The following TRMT1L variants were observed in gnomAD, a reference collection of about 807,000 sequenced individuals.
TRMT1L encodes tRNA (guanine(27)-N(2))-dimethyltransferase.
A neutral mutation model predicts 81.6 loss-of-function variants in TRMT1L; 28 were observed. The observed-to-expected ratio is 0.34, with a 90% CI of 0.25 to 0.47. The LOEUF is 0.47. Among genes scored for constraint, TRMT1L ranks in the 20% least tolerant of loss-of-function variants. TRMT1L has a pLI of 1.00. For synonymous variants in TRMT1L, 301 were observed against 303.2 expected, an observed-to-expected ratio of 0.99 and a Z score of 0.07; for missense variants, 739 against 877.1, an observed-to-expected ratio of 0.84 and a Z score of 1.99.
At chr1:185,136,185 A>C (rs962789447) in intron 10 of TRMT1L, among the ~76,000 whole-genome samples, 5 of 152,152 alleles carry the variant, frequency 3.3e-5, no homozygotes, top group Non-Finnish European at 2.9e-5. Flanking sequence ...TGCGGCGGGC[A>C]GATTACTACA....
Position 185,156,480 on chromosome 1 carries a change from C to G in TRMT1L, c.233G>C (p.Ser78Thr), listed in dbSNP as rs752960639. The G allele has an allele frequency of 1.3e-5, 21 of 1,613,832 alleles. No homozygotes were observed. Among genetic ancestry groups the G allele is most frequent in the Non-Finnish European group, 1.6e-5 (19 of 1,179,902 alleles). The change falls in exon 1 of 15, where the codon AGC becomes ACC. Residue 78 changes from serine to threonine, a missense_variant and splice_region_variant. Physicochemically the swap from Ser to Thr is moderately conservative, Grantham distance 58. Around this residue, in one of 4 missense-constraint regions of TRMT1L, gnomAD observed 209 missense variants for 165.4 expected, o/e 1.26. Coordinates refer to ENST00000367506, the MANE Select transcript of TRMT1L (RefSeq NM_030934.5). ...AGATCTGGGCCTTCTGCACTTACTGCTTTTAGCCTCCTCAGGGGCAGAGGC... is the reference window on the plus strand; with the variant it reads ...AGATCTGGGCCTTCTGCACTTACTGGTTTTAGCCTCCTCAGGGGCAGAGGC... Reference protein sequence around the residue: ...SLASAPEEAKSKRHISIQRQL... With the variant: ...SLASAPEEAKTKRHISIQRQL...
At chr1:185,148,863 A>G (rs1653256822) in intron 3 of TRMT1L, among the ~76,000 whole-genome samples, 1 of 152,208 alleles carries the variant, frequency 6.6e-6, no homozygotes, top group Non-Finnish European at 1.5e-5. Flanking sequence ...TAGTACTACT[A>G]AGAAAATAGT....
rs535331389 is a variant in TRMT1L, at chr1:185,151,452, C to T, written c.346+373G>A. Among the ~76,000 whole-genome samples, 18 of 152,238 alleles carry T rather than the reference C, an allele frequency of 1.2e-4. No homozygotes were observed. In the South Asian group the frequency reaches 3.3e-3, roughly 28 times the overall value. On this transcript the variant is annotated intron_variant, in intron 2 of 14. Transcript: ENST00000367506. ...AGAGAGCAGTGTGGGGCACTGATAA[C>T]GTGGAACTCTCATACCAGCCCTAAA...
At chr1:185,133,921 A>C (rs994664926) in intron 10 of TRMT1L, among the ~76,000 whole-genome samples, 5 of 152,208 alleles carry the variant, frequency 3.3e-5, no homozygotes, top group Non-Finnish European at 7.3e-5. Context: ...AAAATTTGCG[A>C]ACAATATTTA....
intron 11 of TRMT1L, among the ~76,000 whole-genome samples, chr1:185,126,457 G>A (rs534609829): frequency 9.9e-5 from 15 of 152,126 alleles, no homozygotes; most frequent in African/African-American, 3.6e-4. Context: ...ACCACGCCTG[G>A]CCAAAAATAA....
intron 11 of TRMT1L, among the ~76,000 whole-genome samples, chr1:185,126,287 T>C (rs1280648048): frequency 6.6e-6 from 1 of 152,076 alleles, no homozygotes; most frequent in Non-Finnish European, 1.5e-5. Context: ...CATCATGAAA[T>C]GTAAAATAAA....
chr1:185,149,240 TAAGTA>T (rs746281102), intron 3 of TRMT1L, among the ~76,000 whole-genome samples: 8 of 152,098 alleles, frequency 5.3e-5, no homozygotes, highest in Non-Finnish European at 8.8e-5. Context: ...TTTTTGTTAC[TAAGTA>T]AATATTGCAA....
At chr1:185,128,540 G>T in intron 11 of TRMT1L, 129 bp downstream of exon 11, 1 of 819,266 alleles carries the variant, frequency 1.2e-6, no homozygotes, top group South Asian at 1.5e-5. Flanking sequence ...GAGGAGAAGA[G>T]TCATAATTAT....
At position 185,150,501 on chromosome 1, in the gene TRMT1L, G is replaced by C. The variant is rs1365670677; in HGVS notation, c.347-9C>G. On this transcript the variant is annotated splice_polypyrimidine_tract_variant and intron_variant, in intron 2 of 14. Transcript: ENST00000367506. ...ACAAGCCTGTCTGTTGCCTTAAAAA[G>C]AAAAAAGAATCAATAAACAACAGAA... is the stretch of plus-strand genomic sequence containing the variant. 1 of 1,585,868 alleles carries C rather than the reference G, an allele frequency of 6.3e-7. No individual in the cohort carries two copies. Among genetic ancestry groups the C allele is most frequent in the Non-Finnish European group, 8.6e-7 (1 of 1,156,882 alleles).
intron 3 of TRMT1L, among the ~76,000 whole-genome samples, chr1:185,149,860 T>C (rs1480365635): frequency 6.6e-6 from 1 of 151,026 alleles, no homozygotes; most frequent in Non-Finnish European, 1.5e-5. Context: ...ATTTTTATCA[T>C]GATTATAATT....
chr1:185,141,352 A>C (rs569898452), intron 7 of TRMT1L, among the ~76,000 whole-genome samples: 1 of 152,336 alleles, frequency 6.6e-6, no homozygotes, highest in African/African-American at 2.4e-5. Context: ...AGGCACATTA[A>C]AAGAAGAGGC....
chr1:185,151,373 C>T lies in TRMT1L; in HGVS notation c.346+452G>A, dbSNP rs188819102. ...TACACTGTCTACTTCAAAAAAACCA[C>T]GCAGTCAGCGATCTTGAGGATACAA... is the stretch of plus-strand genomic sequence containing the variant. On this transcript the variant is annotated intron_variant, in intron 2 of 14. Coordinates refer to ENST00000367506, the MANE Select transcript of TRMT1L (RefSeq NM_030934.5). 4.7e-3 allele frequency among the ~76,000 whole-genome samples: 710 copies of T among 152,176 alleles called. 10 individuals carry two copies. The highest frequency in any genetic ancestry group is 0.016 in the African/African-American group (672 of 41,504).
intron 13 of TRMT1L, among the ~76,000 whole-genome samples, chr1:185,121,414 C>T (rs531173693): frequency 1.1e-3 from 160 of 151,598 alleles, no homozygotes; most frequent in African/African-American, 3.6e-3. Context: ...TTGAGTCTAG[C>T]CTGAGCAACA....
At chr1:185,144,148 A>G in intron 5 of TRMT1L, 119 bp from the exon 6 acceptor site, 1 of 1,071,938 alleles carries the variant, frequency 9.3e-7, no homozygotes. Context: ...ATTTTGAAAA[A>G]TAACTTTATA....
chr1:185,148,871 A>G (rs928000978), intron 3 of TRMT1L, among the ~76,000 whole-genome samples: 2 of 152,200 alleles, frequency 1.3e-5, no homozygotes, highest in Non-Finnish European at 2.9e-5. Context: ...CTAAGAAAAT[A>G]GTTCCAGCAT....
intron 3 of TRMT1L, 97 bp from the exon 4 acceptor site, chr1:185,147,343 C>T: frequency 1.2e-6 from 1 of 865,318 alleles, no homozygotes; most frequent in Non-Finnish European, 1.9e-6. Flanking sequence ...TTGGTATTAC[C>T]CTTACATTTG....
chr1:185,141,945 T>C (rs1252849862), intron 7 of TRMT1L, among the ~76,000 whole-genome samples: 1 of 152,186 alleles, frequency 6.6e-6, no homozygotes, highest in East Asian at 1.9e-4. Flanking sequence ...AAGGGTACTA[T>C]TTAGAAGCTA....
intron 1 of TRMT1L, among the ~76,000 whole-genome samples, chr1:185,155,445 T>C (rs1653485069): frequency 6.6e-6 from 1 of 152,226 alleles, no homozygotes. Flanking sequence ...GCATTCTGAC[T>C]TTTGTCTTTC....
In TRMT1L at chr1:185,145,481, G is replaced by C. The variant is rs939000328; in HGVS notation, c.613C>G (p.Arg205Gly). 1 of 1,611,508 alleles carries C rather than the reference G, an allele frequency of 6.2e-7. No homozygotes were observed. The highest frequency in any genetic ancestry group is 8.5e-7 in the Non-Finnish European group (1 of 1,178,372). The change falls in exon 5 of 15, where the codon CGC (arginine) becomes GGC (glycine). Residue 205 changes from arginine (R) to glycine (G), a missense_variant. Transcript: ENST00000367506. ...TTAGTCTCTCCTTTATTCATGTGGC[G>C]CCTAACATGTCCTAGCATATCAGTT... is the stretch of plus-strand genomic sequence containing the variant. ...RRTDMLGHVR[R>G]HMNKGETKSS...
Sources: gnomAD v4.1 joint callset for allele counts (sites outside exome capture counted in the v4.1 genomes callset) on GRCh38, gnomAD v4.1.1 for gene constraint, gnomAD v4.1.1 regional missense constraint, MANE v1.5 for transcripts, NCBI Gene and HGNC (gene_info 2026-07-23, HGNC 2026-07-21) for gene names.